The following CDH4 variants were observed in gnomAD, a reference collection of about 807,000 sequenced individuals.
CDH4 encodes cadherin-4.
In CDH4, 33 loss-of-function variants were observed where a neutral mutation model predicts 86.0. The observed-to-expected ratio is 0.38, with a 90% CI of 0.29 to 0.51. CDH4 has a LOEUF of 0.51. Among genes scored for constraint, CDH4 ranks in the 20% least tolerant of loss-of-function variants. The pLI is 0.86. For synonymous variants in CDH4, 555 were observed against 549.4 expected (o/e 1.01, Z -0.14); for missense variants, 1,114 against 1,307.4 (o/e 0.85, Z 2.28).
At chr20:61,284,043 ACAC>A in intron 2 of CDH4, among the ~76,000 whole-genome samples, 1 of 152,148 alleles carries the variant, frequency 6.6e-6, no homozygotes, top group South Asian at 2.1e-4. Flanking sequence ...GCGGTGGCTC[ACAC>A]CTGTAATCCC....
At chr20:61,497,714 C>A (rs1489027686) in intron 2 of CDH4, among the ~76,000 whole-genome samples, 1 of 152,106 alleles carries the variant, frequency 6.6e-6, no homozygotes, top group Non-Finnish European at 1.5e-5. Flanking sequence ...TGGGTATATA[C>A]CCAAAGGACT....
At chr20:61,645,235 G>T (rs1222182936) in intron 2 of CDH4, among the ~76,000 whole-genome samples, 1 of 152,216 alleles carries the variant, frequency 6.6e-6, no homozygotes, top group African/African-American at 2.4e-5. Context: ...GTGGATAAGA[G>T]ACAGCCAAGT....
intron 2 of CDH4, among the ~76,000 whole-genome samples, chr20:61,686,576 T>G (rs555113692): frequency 1.8e-4 from 28 of 152,194 alleles, no homozygotes; most frequent in Non-Finnish European, 3.2e-4. Flanking sequence ...CATTCGCGTG[T>G]GTGCATTCAT....
chr20:61,506,321 G>A (rs921027781), intron 2 of CDH4, among the ~76,000 whole-genome samples: 3 of 152,164 alleles, frequency 2.0e-5, no homozygotes, highest in South Asian at 4.1e-4. Context: ...CCTTAAACTC[G>A]AAACATTACG....
intron 2 of CDH4, among the ~76,000 whole-genome samples, chr20:61,664,964 A>G (rs548280771): frequency 6.6e-6 from 1 of 152,366 alleles, no homozygotes; most frequent in Admixed American, 6.5e-5. Flanking sequence ...GAGGCTGCCC[A>G]GAAAATAAGT....
At chr20:61,490,716 G>A (rs2085621500) in intron 2 of CDH4, among the ~76,000 whole-genome samples, 1 of 152,044 alleles carries the variant, frequency 6.6e-6, no homozygotes, top group African/African-American at 2.4e-5. Flanking sequence ...AAAAGTTACA[G>A]TGTTTGCCTC....
Position 61,549,660 on chromosome 20 carries a change from A to G in CDH4, c.170-193903A>G, listed in dbSNP as rs900401102. Among the ~76,000 whole-genome samples the G allele has an allele frequency of 2.0e-5, 3 of 152,280 alleles. No individual in the cohort carries two copies. In the East Asian group the frequency reaches 5.8e-4, roughly 29 times the overall value. ...AAGGACGTCAAGCACGTGCTGGGAG[A>G]CTAAACAGCGAAGCCTCCGGGATGT... On this transcript the variant is annotated intron_variant, in intron 2 of 15. Transcript: ENST00000614565.
At chr20:61,343,167 C>T (rs994465015) in intron 2 of CDH4, among the ~76,000 whole-genome samples, 2 of 152,190 alleles carry the variant, frequency 1.3e-5, no homozygotes, top group Non-Finnish European at 1.5e-5. Context: ...TGGTGACACG[C>T]ACATTTGCTG....
Position 61,708,618 on chromosome 20 carries a change from C to A in CDH4, c.170-34945C>A, listed in dbSNP as rs2087858284. Reference sequence around the variant, plus strand: ...ATGCCCCTTGTAGACCCTCTCCACCCTCCTGTGCCTGGAGCCCCTCCCAGA... The same window carrying A: ...ATGCCCCTTGTAGACCCTCTCCACCATCCTGTGCCTGGAGCCCCTCCCAGA... On this transcript the variant is annotated intron_variant, in intron 2 of 15. Coordinates refer to ENST00000614565, the MANE Select transcript of CDH4 (RefSeq NM_001794.5). The surrounding 1 kb of genome is among the most constrained non-coding windows in gnomAD (Gnocchi z 4.5). 6.6e-6 allele frequency among the ~76,000 whole-genome samples: 1 copy of A among 152,182 alleles called. No individual in the cohort carries two copies. Among genetic ancestry groups the A allele is most frequent in the African/African-American group, 2.4e-5 (1 of 41,444 alleles).
intron 12 of CDH4, 116 bp downstream of exon 12, chr20:61,928,539 G>T: frequency 1.2e-6 from 1 of 842,512 alleles, no homozygotes; most frequent in South Asian, 1.6e-5. Context: ...CCTCCAACAG[G>T]ACTGTCCCAC....
intron 9 of CDH4, among the ~76,000 whole-genome samples, chr20:61,919,356 T>C (rs553982842): frequency 6.6e-6 from 1 of 152,274 alleles, no homozygotes; most frequent in African/African-American, 2.4e-5. Flanking sequence ...CTCAGGTGCT[T>C]CACTGCCGGC....
chr20:61,492,319 A>G (rs961773646), intron 2 of CDH4, among the ~76,000 whole-genome samples: 2 of 141,414 alleles, frequency 1.4e-5, no homozygotes, highest in South Asian at 2.3e-4. Context: ...GGTGGTGTTG[A>G]TATTGTTGAT....
intron 2 of CDH4, among the ~76,000 whole-genome samples, chr20:61,685,522 T>C (rs757720682): frequency 6.6e-6 from 1 of 152,224 alleles, no homozygotes; most frequent in Non-Finnish European, 1.5e-5. Context: ...CCCCTCTGGA[T>C]TGCAAAGGCC....
rs545162083 is a variant in CDH4, at chr20:61,693,472, G to A, written c.170-50091G>A. On this transcript the variant is annotated intron_variant, in intron 2 of 15. Coordinates refer to ENST00000614565, the MANE Select transcript of CDH4 (RefSeq NM_001794.5). Reference sequence around the variant, plus strand: ...TGGGGCAGCGAGCAGATGACCACGTGTGGGCTTGAGTCCCCAAGGCCGAAG... The same window carrying A: ...TGGGGCAGCGAGCAGATGACCACGTATGGGCTTGAGTCCCCAAGGCCGAAG... 3.9e-5 allele frequency among the ~76,000 whole-genome samples: 6 copies of A among 152,348 alleles called. No individual in the cohort carries two copies. The South Asian group carries it at 1.2e-3, about 32-fold the overall frequency.
At chr20:61,899,686 C>G (rs1451337633) in intron 8 of CDH4, among the ~76,000 whole-genome samples, 1 of 152,170 alleles carries the variant, frequency 6.6e-6, no homozygotes, top group Admixed American at 6.5e-5. Flanking sequence ...CTCGGCCTCC[C>G]AAACTGCTGG....
intron 2 of CDH4, among the ~76,000 whole-genome samples, chr20:61,720,611 A>C (rs5021368): frequency 2.3e-5 from 1 of 42,592 alleles, no homozygotes; most frequent in Non-Finnish European, 4.0e-5. Context: ...GGGGTGCAGC[A>C]TGCAGGGGTG....
chr20:61,418,851 G>A (rs569466250), intron 2 of CDH4, among the ~76,000 whole-genome samples: 2 of 152,160 alleles, frequency 1.3e-5, no homozygotes, highest in African/African-American at 2.4e-5. Flanking sequence ...CCACACCCCC[G>A]CATCCCTCTC....
chr20:61,794,160 A>G (rs1979395920), intron 4 of CDH4, among the ~76,000 whole-genome samples: 1 of 151,470 alleles, frequency 6.6e-6, no homozygotes, highest in African/African-American at 2.4e-5. Flanking sequence ...AAAAAAAAGA[A>G]TGAGCCTGAA....
rs548510983 is a variant in CDH4, at chr20:61,845,768, C to T, written c.732+945C>T. 2.8e-4 allele frequency among the ~76,000 whole-genome samples: 42 copies of T among 152,356 alleles called. 1 individual carries two copies. The highest frequency in any genetic ancestry group is 2.2e-3 in the Admixed American group (34 of 15,310). The stretch of plus-strand genomic sequence containing the variant: ...GGCCGTGTGCTTCTCCGTGGTAACT[C>T]GGGAACAACCATGGAAGACTTGGCC... On this transcript the variant is annotated intron_variant, in intron 5 of 15. Transcript: ENST00000614565.
Sources: gnomAD v4.1 joint callset for allele counts (sites outside exome capture counted in the v4.1 genomes callset) on GRCh38, gnomAD v4.1.1 for gene constraint, Gnocchi (gnomAD v3.1) non-coding constraint, MANE v1.5 for transcripts, NCBI Gene and HGNC (gene_info 2026-07-23, HGNC 2026-07-21) for gene names.